The following EIF4G3 variants were observed in gnomAD, a reference collection of about 807,000 sequenced individuals.
EIF4G3 encodes eIF-4-gamma 3.
EIF4G3 carries 34 observed loss-of-function variants against 186.4 expected under a neutral mutation model. The ratio of observed to expected loss-of-function variants is 0.18; its 90% CI spans 0.14 to 0.24. The LOEUF (loss-of-function observed/expected upper bound fraction) is 0.24, where lower values mean the gene tolerates loss of function less well. EIF4G3 is among the 10% of genes least tolerant of loss of function. The pLI is 1.00. For missense variants in EIF4G3, 1,536 were observed against 1,948.5 expected, an observed-to-expected ratio of 0.79 and a Z score of 3.99; for synonymous variants, 673 against 679.5, an observed-to-expected ratio of 0.99 and a Z score of 0.15.
intron 3 of EIF4G3, among the ~76,000 whole-genome samples, chr1:21,051,493 T>G (rs906802489): frequency 3.3e-5 from 5 of 152,266 alleles, no homozygotes; most frequent in African/African-American, 9.6e-5. Flanking sequence ...AAATTACATC[T>G]CAATAAATCT....
intron 2 of EIF4G3, among the ~76,000 whole-genome samples, chr1:21,172,696 C>G (rs2098006701): frequency 6.6e-6 from 1 of 151,958 alleles, no homozygotes; most frequent in African/African-American, 2.4e-5. Flanking sequence ...CTACAGGCGC[C>G]TGCCACCACG....
At chr1:21,060,103 T>C (rs1306922704) in intron 3 of EIF4G3, among the ~76,000 whole-genome samples, 1 of 152,146 alleles carries the variant, frequency 6.6e-6, no homozygotes, top group East Asian at 1.9e-4. Flanking sequence ...AGGCATGCAC[T>C]ACCATGCCCG....
chr1:20,829,063 G>T, intron 31 of EIF4G3, 84 bp downstream of exon 31: 1 of 1,447,532 alleles, frequency 6.9e-7, no homozygotes, highest in Non-Finnish European at 9.5e-7. Flanking sequence ...GGCGATAATG[G>T]GACAGTACTA....
At chr1:21,018,918 A>C (rs2089977119) in intron 4 of EIF4G3, among the ~76,000 whole-genome samples, 1 of 140,314 alleles carries the variant, frequency 7.1e-6, no homozygotes, top group Non-Finnish European at 1.6e-5. Flanking sequence ...GAGACTAATA[A>C]AGCTCTTTTT....
chr1:21,079,562 T>C (rs1282969717), intron 3 of EIF4G3, among the ~76,000 whole-genome samples: 10 of 150,436 alleles, frequency 6.6e-5, no homozygotes, highest in Admixed American at 6.0e-4. Flanking sequence ...TGTACATCTG[T>C]AGTCCTGGCT....
chr1:21,063,066 T>C (rs1347682813), intron 3 of EIF4G3, among the ~76,000 whole-genome samples: 1 of 152,142 alleles, frequency 6.6e-6, no homozygotes, highest in Non-Finnish European at 1.5e-5. Flanking sequence ...TTTTTTTAAT[T>C]TTTTTGAGGC....
rs1327550190 is a variant in EIF4G3, at chr1:20,807,253, A to G, written c.*66T>C. On this transcript the variant is annotated 3_prime_UTR_variant, in exon 37 of 37. Coordinates refer to ENST00000602326, the MANE Select transcript of EIF4G3 (RefSeq NM_001391906.1). ...GGCCTTGCTGCACTGTGATTGGCGA[A>G]GACGTGAAACTTTTTAAAAAAATAC... 6.8e-7 allele frequency: 1 copy of G among 1,477,904 alleles called. No individual in the cohort carries two copies. Among genetic ancestry groups the G allele is most frequent in the Non-Finnish European group, 9.2e-7 (1 of 1,091,342 alleles). 91.5% of individuals were successfully genotyped at this position (1,477,904 alleles called of 1,614,324 possible). A position where few individuals can be genotyped will look rare whatever the true frequency, so the allele number is the denominator to read the frequency against.
At chr1:21,052,430 A>G (rs1006506406) in intron 3 of EIF4G3, among the ~76,000 whole-genome samples, 6 of 152,256 alleles carry the variant, frequency 3.9e-5, no homozygotes, top group Admixed American at 1.3e-4. Flanking sequence ...AGCATAAAAT[A>G]CAGACTTCTC....
At chr1:20,909,162 AAAG>A (rs1367774592) in intron 14 of EIF4G3, among the ~76,000 whole-genome samples, 2 of 152,312 alleles carry the variant, frequency 1.3e-5, no homozygotes, top group African/African-American at 4.8e-5. Flanking sequence ...AAAAAAAAAA[AAAG>A]AATATGGAGA....
intron 4 of EIF4G3, among the ~76,000 whole-genome samples, chr1:21,006,028 C>T (rs2084972244): frequency 6.6e-6 from 1 of 152,118 alleles, no homozygotes. Flanking sequence ...ATATGGAATG[C>T]TTAACGGTGG....
intron 2 of EIF4G3, chr1:21,111,188 A>G (rs2102174113): frequency 2.6e-6 from 1 of 382,382 alleles, no homozygotes; most frequent in African/African-American, 2.1e-5. Flanking sequence ...TCAGGACAAA[A>G]TGAACAATTT....
At chr1:20,924,856 C>T (rs557923874) in intron 14 of EIF4G3, among the ~76,000 whole-genome samples, 1 of 152,144 alleles carries the variant, frequency 6.6e-6, no homozygotes, top group Non-Finnish European at 1.5e-5. Flanking sequence ...ACCACCTCAC[C>T]CACCCGAAAA....
chr1:21,059,442 GCT>G (rs2094765154), intron 3 of EIF4G3, among the ~76,000 whole-genome samples: 1 of 151,982 alleles, frequency 6.6e-6, no homozygotes, highest in Non-Finnish European at 1.5e-5. Flanking sequence ...AAGCTGGTCT[GCT>G]CAACTAAAAG....
chr1:21,062,757 T>C (rs538902140), intron 3 of EIF4G3, among the ~76,000 whole-genome samples: 1 of 152,240 alleles, frequency 6.6e-6, no homozygotes, highest in South Asian at 2.1e-4. Flanking sequence ...GCCTGGCTAA[T>C]TTTTTCTATT....
At chr1:20,990,768 T>A (rs910118725) in intron 7 of EIF4G3, among the ~76,000 whole-genome samples, 3 of 152,186 alleles carry the variant, frequency 2.0e-5, no homozygotes, top group Non-Finnish European at 1.5e-5. Flanking sequence ...AAACATAACA[T>A]ATATACACTG....
At chr1:20,954,890 T>C (rs999262286) in intron 12 of EIF4G3, among the ~76,000 whole-genome samples, 6 of 152,202 alleles carry the variant, frequency 3.9e-5, no homozygotes, top group Admixed American at 3.9e-4. Flanking sequence ...TTGTGACGTA[T>C]GTGAGGAAGA....
chr1:20,950,016 G>A lies in EIF4G3; in HGVS notation c.810C>T (p.Ser270=), dbSNP rs769461261. The A allele has an allele frequency of 2.5e-6, 4 of 1,613,162 alleles. No homozygotes were observed. Among genetic ancestry groups the A allele is most frequent in the Admixed American group, 1.7e-5 (1 of 59,944 alleles). ...TCATACACAAACCTTGCTTCTGGTCGCTAGCTGCAGTGACAGGGGTGCTGG... is the reference window on the plus strand; with the variant it reads ...TCATACACAAACCTTGCTTCTGGTCACTAGCTGCAGTGACAGGGGTGCTGG... ...LAASTPVTAA[S]DQKQEEKPKP... Residue 270 remains serine, a synonymous_variant, in exon 13 of 37, where the codon AGC becomes AGT. Coordinates refer to ENST00000602326, the MANE Select transcript of EIF4G3 (RefSeq NM_001391906.1).
intron 4 of EIF4G3, among the ~76,000 whole-genome samples, chr1:21,049,279 A>G (rs1319492867): frequency 6.6e-6 from 1 of 152,164 alleles, no homozygotes; most frequent in African/African-American, 2.4e-5. Context: ...CTTTGGCTCA[A>G]CCCTACAGAG....
intron 2 of EIF4G3, among the ~76,000 whole-genome samples, chr1:21,163,214 T>C (rs369268228): frequency 8.5e-5 from 13 of 152,226 alleles, no homozygotes; most frequent in Admixed American, 2.6e-4. Context: ...TCAGCTTTCA[T>C]TGCCTTACCT....
Sources: allele counts gnomAD v4.1 joint callset (sites outside exome capture counted in the v4.1 genomes callset), GRCh38; gene constraint gnomAD v4.1.1; transcripts MANE v1.5; gene names NCBI Gene and HGNC (gene_info 2026-07-23, HGNC 2026-07-21).